Variants in DNAH9 observed in about 807,000 individuals in gnomAD.
DNAH9 encodes the protein DNAH9 variant protein.
DNAH9 carries 345 observed loss-of-function variants against 471.6 expected under a neutral mutation model. That is an observed-to-expected ratio of 0.73 (90% CI 0.67 to 0.80). The LOEUF (loss-of-function observed/expected upper bound fraction) is 0.80. Among genes scored for constraint, DNAH9 ranks in the 30% least tolerant of loss-of-function variants. DNAH9 has a pLI of 0.00. For synonymous variants in DNAH9, 2,093 were observed against 2,123.6 expected (o/e 0.99, Z 0.40); for missense variants, 5,407 against 5,609.2 (o/e 0.96, Z 1.15).
intron 67 of DNAH9, among the ~76,000 whole-genome samples, chr17:11,960,715 C>T (rs1309422779): frequency 2.0e-4 from 30 of 148,822 alleles, no homozygotes; most frequent in Non-Finnish European, 3.0e-4. Flanking sequence ...GCAGAGATTG[C>T]GCCCCTGCAC....
At chr17:11,838,116 T>C (rs942842897) in intron 49 of DNAH9, among the ~76,000 whole-genome samples, 2 of 152,256 alleles carry the variant, frequency 1.3e-5, no homozygotes, top group Non-Finnish European at 2.9e-5. Flanking sequence ...AAAAGTTTGA[T>C]ATAACCATAA....
At chr17:11,797,849 G>A in intron 43 of DNAH9, 56 bp downstream of exon 43, 1 of 1,551,790 alleles carries the variant, frequency 6.4e-7, no homozygotes, top group East Asian at 2.2e-5. Flanking sequence ...CCAATGACAG[G>A]GGTCTCATTC....
chr17:11,826,751 C>T (rs1039441303), intron 48 of DNAH9, among the ~76,000 whole-genome samples: 7 of 151,454 alleles, frequency 4.6e-5, no homozygotes, highest in Non-Finnish European at 1.0e-4. Context: ...TGTGAGCCAC[C>T]GCGCCCAGCC....
At chr17:11,930,168 A>G (rs1370546560) in intron 63 of DNAH9, 75 bp downstream of exon 63, 6 of 1,300,896 alleles carry the variant, frequency 4.6e-6, no homozygotes, top group African/African-American at 4.4e-5. Flanking sequence ...GGGGGAGAGC[A>G]TGCAACTCAG....
chr17:11,609,098 G>A (rs1377847429), intron 2 of DNAH9, among the ~76,000 whole-genome samples: 1 of 152,162 alleles, frequency 6.6e-6, no homozygotes, highest in African/African-American at 2.4e-5. Flanking sequence ...TCCTACATGA[G>A]CTCGGTCTGC....
intron 62 of DNAH9, among the ~76,000 whole-genome samples, chr17:11,926,436 GT>G (rs1974330826): frequency 6.6e-6 from 1 of 152,042 alleles, no homozygotes; most frequent in Non-Finnish European, 1.5e-5. Context: ...GCCTCAGTGT[GT>G]TTGTTCCCCG....
At chr17:11,903,015 T>TC in intron 60 of DNAH9, 103 bp downstream of exon 60, 1 of 1,292,812 alleles carries the variant, frequency 7.7e-7, no homozygotes, top group Non-Finnish European at 1.1e-6. Context: ...GTGTATATAG[T>TC]AGTTTCCTGG....
intron 66 of DNAH9, among the ~76,000 whole-genome samples, 188 bp from the exon 67 acceptor site, chr17:11,942,115 T>C (rs1597855699): frequency 6.6e-6 from 1 of 152,208 alleles, no homozygotes; most frequent in East Asian, 1.9e-4. Context: ...GAGGTCCTAC[T>C]GTGGTCAGTC....
chr17:11,775,713 T>C (rs918266183), intron 38 of DNAH9, among the ~76,000 whole-genome samples: 3 of 147,010 alleles, frequency 2.0e-5, no homozygotes, highest in Non-Finnish European at 4.5e-5. Context: ...CACGCCATTC[T>C]CCTGCCTCAG....
chr17:11,765,606 C>G (rs1967900824), intron 36 of DNAH9, among the ~76,000 whole-genome samples: 1 of 152,164 alleles, frequency 6.6e-6, no homozygotes, highest in Admixed American at 6.5e-5. Context: ...GACAGATGCC[C>G]TGGAGGCAGA....
chr17:11,679,844 G>T lies in DNAH9; in HGVS notation c.3441G>T (p.Glu1147Asp). ...VEKGDFQGLV[E>D]IMGHLMAVKE... is the part of the protein sequence containing the mutation. ...AAGGAGATTTCCAAGGCTTGGTTGA[G>T]ATCATGGGACACCTTATGGCTGTTA... Residue 1147 changes from glutamate to aspartate, a missense_variant, in exon 18 of 69, where the codon GAG (glutamate) becomes GAT (aspartate). Coordinates refer to ENST00000262442, the MANE Select transcript of DNAH9 (RefSeq NM_001372.4). 6.2e-7 allele frequency: 1 copy of T among 1,614,144 alleles called. No individual in the cohort carries two copies. The highest frequency in any genetic ancestry group is 8.5e-7 in the Non-Finnish European group (1 of 1,180,022).
chr17:11,869,722 C>T (rs776799169), intron 51 of DNAH9, among the ~76,000 whole-genome samples: 3 of 152,210 alleles, frequency 2.0e-5, no homozygotes, highest in Non-Finnish European at 4.4e-5. Context: ...ACACATGCTC[C>T]GGCCTTCCTG....
intron 1 of DNAH9, among the ~76,000 whole-genome samples, chr17:11,602,113 T>C (rs1034826046): frequency 6.6e-6 from 1 of 152,204 alleles, no homozygotes; most frequent in Non-Finnish European, 1.5e-5. Context: ...ACTTGGATTT[T>C]TTTTTTGACT....
At chr17:11,685,363 T>A (rs544745906) in intron 19 of DNAH9, among the ~76,000 whole-genome samples, 1 of 152,274 alleles carries the variant, frequency 6.6e-6, no homozygotes, top group East Asian at 1.9e-4. Flanking sequence ...TGTGTATGGC[T>A]GGGATGCAGG....
In DNAH9 at chr17:11,877,473, TAAAAAAAAAAA is replaced by T. The variant is rs550300868; in HGVS notation, c.10478+2309_10478+2319del. Among the ~76,000 whole-genome samples, 57 of 68,636 alleles carry T rather than the reference TAAAAAAAAAAA, an allele frequency of 8.3e-4. No individual in the cohort carries two copies. In the East Asian group the frequency reaches 0.02, roughly 24 times the overall value. 45.0% of individuals were successfully genotyped at this position (68,636 alleles called of 152,430 possible). A position where few individuals can be genotyped will look rare whatever the true frequency, so the allele number is the denominator to read the frequency against. ...GGGGGACAAGAACGAAAACTCTGTC[TAAAAAAAAAAA>T]AAAAAAAAAAAAAAAAAAAGTAATG... On this transcript the variant is annotated intron_variant, in intron 53 of 68. Transcript: ENST00000262442.
At chr17:11,799,291 C>T (rs1969368302) in intron 43 of DNAH9, among the ~76,000 whole-genome samples, 1 of 151,194 alleles carries the variant, frequency 6.6e-6, no homozygotes. Flanking sequence ...GGACCAACTA[C>T]TTCCCCAGAA....
intron 22 of DNAH9, among the ~76,000 whole-genome samples, chr17:11,699,109 C>T (rs1458630226): frequency 1.3e-5 from 2 of 152,066 alleles, no homozygotes; most frequent in African/African-American, 4.8e-5. Context: ...ATTAGCTGGG[C>T]ATGGTGGCAC....
At chr17:11,663,650 G>A (rs999089684) in intron 14 of DNAH9, among the ~76,000 whole-genome samples, 1 of 152,196 alleles carries the variant, frequency 6.6e-6, no homozygotes, top group Non-Finnish European at 1.5e-5. Context: ...CAACACGTTT[G>A]TTTCTTAGAC....
rs1972795687 is a variant in DNAH9 at position 11,883,650 on chromosome 17, T to G, written c.10871T>G (p.Leu3624Arg). 3 of 1,614,148 alleles carry G rather than the reference T, an allele frequency of 1.9e-6. No homozygotes were observed. The highest frequency in any genetic ancestry group is 2.5e-6 in the Non-Finnish European group (3 of 1,180,026). ...CTGAAAACGTTGGAAGACAGTCTTC[T>G]CTCTCGCCTCTCCTCCGCCTCTGGG... ...ITLKTLEDSLLSRLSSASGNF... is the reference protein window; with the variant it reads ...ITLKTLEDSLRSRLSSASGNF... Residue 3624 changes from leucine to arginine, a missense_variant, in exon 56 of 69, where the codon CTC becomes CGC. Coordinates refer to ENST00000262442, the MANE Select transcript of DNAH9 (RefSeq NM_001372.4).
Sources: allele counts gnomAD v4.1 joint callset (sites outside exome capture counted in the v4.1 genomes callset), GRCh38; gene constraint gnomAD v4.1.1; transcripts MANE v1.5; gene names NCBI Gene and HGNC (gene_info 2026-07-23, HGNC 2026-07-21).